Variants in ZNF644 observed in about 807,000 individuals in gnomAD.
ZNF644 encodes zinc finger protein 644, also known as zinc finger motif enhancer binding protein 2.
A neutral mutation model predicts 108.0 loss-of-function variants in ZNF644; 20 were observed. The observed-to-expected ratio is 0.19, with a 90% CI of 0.13 to 0.27. The LOEUF is 0.27. Among genes scored for constraint, ZNF644 ranks in the 10% least tolerant of loss-of-function variants. ZNF644 has a pLI of 1.00. For missense variants in ZNF644, 1,338 were observed against 1,548.9 expected (o/e 0.86, Z 2.29); for synonymous variants, 542 against 539.1 (o/e 1.01, Z -0.08).
chr1:90,921,864 C>T (rs776338279), intron 4 of ZNF644, among the ~76,000 whole-genome samples: 1 of 151,968 alleles, frequency 6.6e-6, no homozygotes, highest in Non-Finnish European at 1.5e-5. Context: ...GCTATGAATA[C>T]GACGACCAAT....
Position 90,916,373 on chromosome 1 carries a change from T to C in ZNF644, c.*425A>G. On this transcript the variant is annotated 3_prime_UTR_variant, in exon 6 of 6. Coordinates refer to ENST00000337393, the MANE Select transcript of ZNF644 (RefSeq NM_201269.3). ...ATTTAGTCAGCGGTTCTTGGTATTATACAAAACACTAAATACATACAAACA... is the reference window on the plus strand; with the variant it reads ...ATTTAGTCAGCGGTTCTTGGTATTACACAAAACACTAAATACATACAAACA... The C allele has an allele frequency of 5.1e-6, 1 of 196,676 alleles. No individual in the cohort carries two copies. The highest frequency in any genetic ancestry group is 5.4e-5 in the Admixed American group (1 of 18,656). The allele number at this position is 196,676 out of a possible 1,614,324, so 12.2% of individuals were successfully genotyped here.
intron 1 of ZNF644, among the ~76,000 whole-genome samples, chr1:90,999,263 GAA>G (rs1658503224): frequency 6.6e-6 from 1 of 152,186 alleles, no homozygotes; most frequent in Non-Finnish European, 1.5e-5. Flanking sequence ...AAGTTGAAAT[GAA>G]GGAAAAATGT....
In ZNF644 at chr1:90,944,768, T is replaced by TA. The variant is rs533407311; in HGVS notation, c.45-3460dup. ...TACAAGTAGATTAACGTTTTGTGGG[T>TA]ACTTATTTTAGGAACAATTAAAATG... On this transcript the variant is annotated intron_variant, in intron 2 of 5. Coordinates refer to ENST00000337393, the MANE Select transcript of ZNF644 (RefSeq NM_201269.3). Among the ~76,000 whole-genome samples the TA allele has an allele frequency of 1.0e-3, 159 of 152,332 alleles. 1 individual carries two copies. Among genetic ancestry groups the TA allele is most frequent in the African/African-American group, 3.8e-3 (156 of 41,584 alleles).
intron 1 of ZNF644, among the ~76,000 whole-genome samples, chr1:91,005,928 G>C (rs1380246200): frequency 6.7e-6 from 1 of 150,094 alleles, no homozygotes; most frequent in Non-Finnish European, 1.5e-5. Context: ...ATAGAGAACA[G>C]AAAAACAGTA....
chr1:90,932,157 T>C (rs191223678), intron 4 of ZNF644, among the ~76,000 whole-genome samples: 2 of 152,330 alleles, frequency 1.3e-5, no homozygotes. Context: ...GAAGAGATTA[T>C]AAGTTAGAAG....
At chr1:91,021,488 G>A (rs1302223389) in intron 1 of ZNF644, 1 of 152,750 alleles carries the variant, frequency 6.5e-6, no homozygotes, top group Non-Finnish European at 1.5e-5. Flanking sequence ...GCGACCGCCA[G>A]GCTCCCCAAG....
intron 2 of ZNF644, among the ~76,000 whole-genome samples, chr1:90,966,417 G>A (rs574671036): frequency 6.6e-6 from 1 of 152,200 alleles, no homozygotes; most frequent in African/African-American, 2.4e-5. Context: ...TGCCTAGAGT[G>A]TTCCATTTTG....
intron 1 of ZNF644, among the ~76,000 whole-genome samples, chr1:91,012,314 GAA>G (rs35846572): frequency 0.014 from 1,898 of 132,056 alleles, 41 homozygotes; most frequent in African/African-American, 0.049. Flanking sequence ...ACTACCGAAA[GAA>G]AAAAAAAAAA....
chr1:90,957,047 C>A (rs368724742), intron 2 of ZNF644, among the ~76,000 whole-genome samples: 1 of 152,046 alleles, frequency 6.6e-6, no homozygotes, highest in African/African-American at 2.4e-5. Context: ...ATTGGATAAT[C>A]TAGATGAAAC....
At chr1:90,991,628 G>A (rs597936) in intron 1 of ZNF644, among the ~76,000 whole-genome samples, 87 of 152,240 alleles carry the variant, frequency 5.7e-4, no homozygotes, top group Middle Eastern at 3.4e-3. Flanking sequence ...AAGACAAAGG[G>A]GAAGCAAGCG....
At position 90,916,873 on chromosome 1, in the gene ZNF644, G is replaced by A. The variant is rs1344068786; in HGVS notation, c.3909C>T (p.Val1303=). Residue 1303 remains valine, a synonymous_variant, in exon 6 of 6, where the codon GTC becomes GTT. Coordinates refer to ENST00000337393, the MANE Select transcript of ZNF644 (RefSeq NM_201269.3). The part of the protein sequence containing the change: ...LPRTGAGMVE[V]TSLLKKPASI... ...AGGCAGGCTTTTTAAGTAGTGACGT[G>A]ACTTCCACCATGCCAGCTCCAGTCC... The A allele has an allele frequency of 6.2e-7, 1 of 1,614,172 alleles. No homozygotes were observed. Among genetic ancestry groups the A allele is most frequent in the Non-Finnish European group, 8.5e-7 (1 of 1,180,042 alleles).
intron 1 of ZNF644, among the ~76,000 whole-genome samples, chr1:90,997,452 C>T (rs1414048570): frequency 6.6e-6 from 1 of 151,690 alleles, no homozygotes; most frequent in Non-Finnish European, 1.5e-5. Context: ...AAAAAAAAAT[C>T]ACTAAAATAA....
chr1:90,917,028 C>A, intron 5 of ZNF644, 38 bp from the exon 6 acceptor site: 2 of 1,604,078 alleles, frequency 1.2e-6, no homozygotes, highest in Non-Finnish European at 1.7e-6. Context: ...ATGACCAATT[C>A]TCTTTCTTTA....
intron 2 of ZNF644, among the ~76,000 whole-genome samples, chr1:90,947,053 A>G (rs913443372): frequency 2.6e-5 from 4 of 152,200 alleles, no homozygotes; most frequent in African/African-American, 4.8e-5. Flanking sequence ...GGGAGGCCCT[A>G]CAAAGACATA....
intron 1 of ZNF644, among the ~76,000 whole-genome samples, chr1:90,992,126 T>A (rs940596655): frequency 6.6e-6 from 1 of 152,154 alleles, no homozygotes; most frequent in Non-Finnish European, 1.5e-5. Flanking sequence ...CTAAAGCAGA[T>A]CATTCACTGT....
intron 2 of ZNF644, among the ~76,000 whole-genome samples, chr1:90,954,718 C>T (rs1448098473): frequency 6.6e-6 from 1 of 152,154 alleles, no homozygotes; most frequent in Non-Finnish European, 1.5e-5. Context: ...TCAGGTTCTA[C>T]TTCTAATTCT....
intron 1 of ZNF644, among the ~76,000 whole-genome samples, chr1:91,010,188 A>G (rs1008285160): frequency 4.0e-5 from 6 of 150,142 alleles, no homozygotes; most frequent in Admixed American, 4.0e-4. Context: ...TTTAAAATAG[A>G]CTCTAACCAA....
intron 1 of ZNF644, among the ~76,000 whole-genome samples, chr1:91,002,210 C>A (rs571158741): frequency 6.6e-6 from 1 of 152,076 alleles, no homozygotes; most frequent in Non-Finnish European, 1.5e-5. Context: ...AAAAAGAGCC[C>A]GCATCGCCAA....
chr1:90,956,967 GA>G (rs1338266164), intron 2 of ZNF644, among the ~76,000 whole-genome samples: 1 of 152,008 alleles, frequency 6.6e-6, no homozygotes, highest in African/African-American at 2.4e-5. Context: ...AGAAGTGGGG[GA>G]ACACTGGTAC....
Sources: gnomAD v4.1 joint callset for allele counts (sites outside exome capture counted in the v4.1 genomes callset) on GRCh38, gnomAD v4.1.1 for gene constraint, MANE v1.5 for transcripts, NCBI Gene and HGNC (gene_info 2026-07-23, HGNC 2026-07-21) for gene names.